SAMD9L: variants seen among roughly 807,000 people sequenced by gnomAD.
SAMD9L encodes sterile alpha motif domain-containing protein 9-like.
In SAMD9L, 68 loss-of-function variants were observed where a neutral mutation model predicts 90.7. The observed-to-expected ratio is 0.75, with a 90% CI of 0.62 to 0.92. The LOEUF is 0.92. SAMD9L is among the 40% of genes least tolerant of loss of function. The pLI is 0.00. For synonymous variants in SAMD9L, 640 were observed against 630.1 expected (o/e 1.02, Z -0.23); for missense variants, 1,604 against 1,824.3 (o/e 0.88, Z 2.20).
rs1792023692 is a variant in SAMD9L, at chr7:93,130,100, T to C, written c.*1117A>G. ...TTTATTCAATATTCAATTTAATCTA[T>C]ATTAGCCTATGTTTCACTTTATAGG... On this transcript the variant is annotated 3_prime_UTR_variant, in exon 5 of 5. Transcript: ENST00000318238. 1 of 152,242 alleles carries C rather than the reference T, an allele frequency of 6.6e-6. No individual in the cohort carries two copies. Among genetic ancestry groups the C allele is most frequent in the Non-Finnish European group, 1.5e-5 (1 of 68,042 alleles). 9.4% of individuals were successfully genotyped at this position (152,242 alleles called of 1,614,324 possible).
Position 93,134,382 on chromosome 7 carries a change from T to C in SAMD9L, c.1590A>G (p.Leu530=), listed in dbSNP as rs1792312381. 2 of 1,612,502 alleles carry C rather than the reference T, an allele frequency of 1.2e-6. No individual in the cohort carries two copies. Among genetic ancestry groups the C allele is most frequent in the East Asian group, 2.2e-5 (1 of 44,860 alleles). Residue 530 remains leucine, a synonymous_variant, in exon 5 of 5, where the codon TTA becomes TTG. Coordinates refer to ENST00000318238, the MANE Select transcript of SAMD9L (RefSeq NM_152703.5). The part of the protein sequence containing the change: ...ERASEVRKLI[L]FLTDENIMTR... ...TCATTATATTTTCATCTGTGAGAAA[T>C]AAAATTAGTTTCCTGACTTCTGAAG...
At chr7:93,143,718 C>T (rs771791017) in intron 4 of SAMD9L, among the ~76,000 whole-genome samples, 4 of 152,164 alleles carry the variant, frequency 2.6e-5, no homozygotes, top group Non-Finnish European at 5.9e-5. Context: ...ATATATTTAA[C>T]AACTTGAAGC....
chr7:93,131,944 A>G lies in SAMD9L; in HGVS notation c.4028T>C (p.Leu1343Pro). 6.2e-7 allele frequency: 1 copy of G among 1,612,964 alleles called. No individual in the cohort carries two copies. Among genetic ancestry groups the G allele is most frequent in the Non-Finnish European group, 8.5e-7 (1 of 1,179,700 alleles). Residue 1343 changes from leucine (L) to proline (P), a missense_variant, in exon 5 of 5, where the codon CTC becomes CCC. Physicochemically the swap from Leu to Pro is moderately conservative, Grantham distance 98. This residue lies in a region of SAMD9L where 282 missense variants were observed against 329.6 expected (regional missense o/e 0.86). Coordinates refer to ENST00000318238, the MANE Select transcript of SAMD9L (RefSeq NM_152703.5). The stretch of plus-strand genomic sequence containing the variant: ...GTAGTTTGGATTAAGATATTCCAAG[A>G]GTCCAGCAAACCTATCTGCTCTCAG... The part of the protein sequence containing the change: ...EALRADRFAG[L>P]LEYLNPNYKD...
chr7:93,147,464 G>A (rs1792936703), intron 1 of SAMD9L, among the ~76,000 whole-genome samples: 1 of 152,196 alleles, frequency 6.6e-6, no homozygotes, highest in African/African-American at 2.4e-5. Flanking sequence ...CAAACTCTCA[G>A]GGACAAGCCC....
At position 93,135,416 on chromosome 7, in the gene SAMD9L, C is replaced by T; in HGVS notation, c.556G>A (p.Glu186Lys). The part of the protein sequence containing the change: ...RYIEHYTLQP[E>K]TGALNLIDPI... The stretch of plus-strand genomic sequence containing the variant: ...TCAATGAGATTGAGTGCTCCTGTTT[C>T]AGGTTGTAGAGTATAATGTTCTATG... The change falls in exon 5 of 5, where the codon GAA becomes AAA. Residue 186 changes from glutamate to lysine, a missense_variant. Physicochemically the swap from Glu to Lys is moderately conservative, Grantham distance 56 (BLOSUM62 1). Around this residue, in one of 7 missense-constraint regions of SAMD9L, gnomAD observed 374 missense variants for 363.6 expected, o/e 1.03. Transcript: ENST00000318238. 6.2e-7 allele frequency: 1 copy of T among 1,614,116 alleles called. No homozygotes were observed. Among genetic ancestry groups the T allele is most frequent in the Non-Finnish European group, 8.5e-7 (1 of 1,179,986 alleles).
chr7:93,134,125 A>G lies in SAMD9L; in HGVS notation c.1847T>C (p.Leu616Pro), dbSNP rs1792293669. 9 of 1,613,830 alleles carry G rather than the reference A, an allele frequency of 5.6e-6. No homozygotes were observed. The highest frequency in any genetic ancestry group is 1.3e-5 in the African/African-American group (1 of 74,900). The stretch of plus-strand genomic sequence containing the variant: ...TAGTTTAAGGATAGTGCTGTTTACC[A>G]GTTCTATATTTAAAGTGGAAATACT... The part of the protein sequence containing the change: ...NHSISTLNIE[L>P]VNSTILKLKS... Residue 616 changes from leucine (L) to proline (P), a missense_variant, in exon 5 of 5, where the codon CTG becomes CCG. Around this residue, in one of 7 missense-constraint regions of SAMD9L, gnomAD observed 606 missense variants for 717.6 expected, o/e 0.84. Transcript: ENST00000318238.
In SAMD9L at chr7:93,132,064, T is replaced by C. The variant is rs1267501954; in HGVS notation, c.3908A>G (p.Tyr1303Cys). The change falls in exon 5 of 5, where the codon TAC becomes TGC. Residue 1303 changes from tyrosine (Y) to cysteine (C), a missense_variant. Tyr to Cys is a radical substitution (Grantham distance 194). Coordinates refer to ENST00000318238, the MANE Select transcript of SAMD9L (RefSeq NM_152703.5). ...SKKVSRCFRK[Y>C]TELFCHLDPC... Reference sequence around the variant, plus strand: ...ATCCAAATGACAGAAAAGTTCTGTGTATTTCCTGAAACAACGACTGACTTT... The same window carrying C: ...ATCCAAATGACAGAAAAGTTCTGTGCATTTCCTGAAACAACGACTGACTTT... 1 of 1,613,750 alleles carries C rather than the reference T, an allele frequency of 6.2e-7. No homozygotes were observed. Among genetic ancestry groups the C allele is most frequent in the South Asian group, 1.1e-5 (1 of 91,058 alleles).
chr7:93,137,494 G>C (rs1454291483), intron 4 of SAMD9L, among the ~76,000 whole-genome samples: 1 of 151,676 alleles, frequency 6.6e-6, no homozygotes, highest in Non-Finnish European at 1.5e-5. Context: ...CAAGCTCAGG[G>C]CTCCCACTGA....
At position 93,131,662 on chromosome 7, in the gene SAMD9L, T is replaced by C. The variant is rs1792105213; in HGVS notation, c.4310A>G (p.Glu1437Gly). Residue 1437 changes from glutamate (E) to glycine (G), a missense_variant, in exon 5 of 5, where the codon GAA (glutamate) becomes GGA (glycine). Physicochemically the swap from Glu to Gly is moderately conservative, Grantham distance 98 (BLOSUM62 -2). This residue lies in a region of SAMD9L where 282 missense variants were observed against 329.6 expected (regional missense o/e 0.86). Transcript: ENST00000318238. ...GGAATCTTGATCTAGCTCTTGATTTTCTGGCCAGAACAGGAGGCAGGCCAA... is the reference window on the plus strand; with the variant it reads ...GGAATCTTGATCTAGCTCTTGATTTCCTGGCCAGAACAGGAGGCAGGCCAA... ...YFLACLLFWP[E>G]NQELDQDSKL... is the part of the protein sequence containing the mutation. 1 of 1,613,798 alleles carries C rather than the reference T, an allele frequency of 6.2e-7. No individual in the cohort carries two copies. The highest frequency in any genetic ancestry group is 1.3e-5 in the African/African-American group (1 of 74,898).
chr7:93,140,302 A>G lies in SAMD9L; in HGVS notation c.-20-4311T>C, dbSNP rs1240098059. ...TGGCCCTCCACACCCTGACTGGAAC[A>G]TGGCTGGACAATGACCCTCCACACC... On this transcript the variant is annotated intron_variant, in intron 4 of 4. Coordinates refer to ENST00000318238, the MANE Select transcript of SAMD9L (RefSeq NM_152703.5). Among the ~76,000 whole-genome samples, 3 of 151,068 alleles carry G rather than the reference A, an allele frequency of 2.0e-5. No individual in the cohort carries two copies. In the East Asian group the frequency reaches 5.8e-4, roughly 29 times the overall value.
chr7:93,147,755 T>A (rs900777581), intron 1 of SAMD9L, among the ~76,000 whole-genome samples: 4 of 152,238 alleles, frequency 2.6e-5, no homozygotes, highest in Non-Finnish European at 5.9e-5. Context: ...AATAGAATAA[T>A]ATTTAGCCTC....
rs1327142201 is a variant in SAMD9L, at chr7:93,134,517, A to G, written c.1455T>C (p.Ser485=). Residue 485 remains serine, a synonymous_variant, in exon 5 of 5, where the codon TCT becomes TCC. Transcript: ENST00000318238. ...DKTTNMWEKI[S]TLNLYQQPSW... is the part of the protein sequence containing the mutation. ...TGGGCTGTTGGTAAAGATTAAGAGT[A>G]GAAATCTTCTCCCACATGTTAGTTG... The G allele has an allele frequency of 6.2e-7, 1 of 1,613,850 alleles. No individual in the cohort carries two copies. Among genetic ancestry groups the G allele is most frequent in the Non-Finnish European group, 8.5e-7 (1 of 1,179,910 alleles).
In SAMD9L at chr7:93,131,564, T is replaced by A; in HGVS notation, c.4408A>T (p.Lys1470Ter). ...AGATAGAAAAGTGTGCTTGCCTGCT[T>A]GGACCTGCACATGCGCTTGTACTGT... ...RGQYKRMCRS[K>*]QASTLFYLGK... The change falls in exon 5 of 5, where the codon AAG becomes TAG. Residue 1470 changes from lysine (K) to a stop codon, truncating the protein, a stop_gained. Transcript: ENST00000318238. LOFTEE classifies it high-confidence loss of function. 6.2e-7 allele frequency: 1 copy of A among 1,614,014 alleles called. No individual in the cohort carries two copies. Among genetic ancestry groups the A allele is most frequent in the Non-Finnish European group, 8.5e-7 (1 of 1,179,900 alleles).
chr7:93,147,865 G>T (rs920214919), intron 1 of SAMD9L, among the ~76,000 whole-genome samples: 4 of 152,126 alleles, frequency 2.6e-5, no homozygotes, highest in African/African-American at 9.7e-5. Flanking sequence ...CGTTCCTTTA[G>T]AATCTTCAGT....
intron 4 of SAMD9L, among the ~76,000 whole-genome samples, chr7:93,136,440 G>T (rs1342320654): frequency 6.6e-6 from 1 of 152,188 alleles, no homozygotes; most frequent in Admixed American, 6.5e-5. Flanking sequence ...TTGTTACATA[G>T]TAACAGAGCA....
chr7:93,135,808 A>G lies in SAMD9L; in HGVS notation c.164T>C (p.Leu55Pro). 6.2e-7 allele frequency: 1 copy of G among 1,614,070 alleles called. No homozygotes were observed. Among genetic ancestry groups the G allele is most frequent in the Non-Finnish European group, 8.5e-7 (1 of 1,179,974 alleles). ...LVLQELTEKD[L>P]VEMGLPWGPA... ...ACCCCATGGTAGCCCCATTTCTACA[A>G]GGTCCTTCTCAGTTAATTCCTGCAG... Residue 55 changes from leucine (L) to proline (P), a missense_variant, in exon 5 of 5, where the codon CTT (leucine) becomes CCT (proline). Coordinates refer to ENST00000318238, the MANE Select transcript of SAMD9L (RefSeq NM_152703.5).
chr7:93,141,262 C>T (rs974162506), intron 4 of SAMD9L, among the ~76,000 whole-genome samples: 2 of 152,210 alleles, frequency 1.3e-5, no homozygotes, highest in African/African-American at 4.8e-5. Context: ...TGACGTGCCT[C>T]TCAGACCTAG....
In SAMD9L at chr7:93,135,115, T is replaced by C; in HGVS notation, c.857A>G (p.Glu286Gly). ...EINEAKKCIREPRFVEVLLQN... is the reference protein window; with the variant it reads ...EINEAKKCIRGPRFVEVLLQN... The stretch of plus-strand genomic sequence containing the variant: ...CAGAAGGACTTCCACAAACCTTGGC[T>C]CCCGAATACACTTCTTGGCTTCATT... Residue 286 changes from glutamate to glycine, a missense_variant, in exon 5 of 5, where the codon GAG becomes GGG. Glu to Gly is a moderately conservative substitution (Grantham distance 98). Around this residue, in one of 7 missense-constraint regions of SAMD9L, gnomAD observed 374 missense variants for 363.6 expected, o/e 1.03. Transcript: ENST00000318238. 2 of 1,612,564 alleles carry C rather than the reference T, an allele frequency of 1.2e-6. No individual in the cohort carries two copies. Among genetic ancestry groups the C allele is most frequent in the Non-Finnish European group, 1.7e-6 (2 of 1,179,952 alleles).
rs370894881 is a variant in SAMD9L, at chr7:93,132,841, C to T, written c.3131G>A (p.Arg1044His). The T allele has an allele frequency of 1.4e-5, 22 of 1,613,626 alleles. No homozygotes were observed. Among genetic ancestry groups the T allele is most frequent in the Admixed American group, 1.3e-4 (8 of 59,920 alleles). ...DVQTLLLTRQ[R>H]KVYGDETDTL... ...GTCTGTTTCATCTCCATACACCTTGCGCTGTCTTGTAAGCAGAAGAGTTTG... is the reference window on the plus strand; with the variant it reads ...GTCTGTTTCATCTCCATACACCTTGTGCTGTCTTGTAAGCAGAAGAGTTTG... Residue 1044 changes from arginine (R) to histidine (H), a missense_variant, in exon 5 of 5, where the codon CGC becomes CAC. Arg to His is a conservative substitution (Grantham distance 29). Coordinates refer to ENST00000318238, the MANE Select transcript of SAMD9L (RefSeq NM_152703.5).
Sources: gnomAD v4.1 joint callset for allele counts (sites outside exome capture counted in the v4.1 genomes callset) on GRCh38, gnomAD v4.1.1 for gene constraint, gnomAD v4.1.1 regional missense constraint, MANE v1.5 for transcripts, NCBI Gene and HGNC (gene_info 2026-07-23, HGNC 2026-07-21) for gene names.